Variants in VTI1A observed in about 807,000 individuals in gnomAD.
VTI1A encodes the protein vesicle transport through interaction with t-SNAREs homolog 1A.
In VTI1A, 22 loss-of-function variants were observed where a neutral mutation model predicts 34.9. The ratio of observed to expected loss-of-function variants is 0.63; its 90% confidence interval spans 0.45 to 0.90. VTI1A has a LOEUF of 0.90. VTI1A is among the 40% of genes least tolerant of loss of function. VTI1A has a pLI of 0.00. For missense variants in VTI1A, 268 were observed against 275.6 expected (o/e 0.97, Z 0.20); for synonymous variants, 87 against 97.3 (o/e 0.89, Z 0.62).
At chr10:112,580,221 G>A (rs1323465719) in intron 5 of VTI1A, among the ~76,000 whole-genome samples, 1 of 152,072 alleles carries the variant, frequency 6.6e-6, no homozygotes, top group African/African-American at 2.4e-5. Context: ...ACCTCAGAAA[G>A]GAGAAACACT....
chr10:112,568,831 GT>G (rs1219066919), intron 5 of VTI1A, among the ~76,000 whole-genome samples: 7 of 152,002 alleles, frequency 4.6e-5, no homozygotes, highest in African/African-American at 1.7e-4. Context: ...CTACCCTTGT[GT>G]TCCTCCGCCA....
chr10:112,546,434 T>C (rs1398691615), intron 5 of VTI1A, among the ~76,000 whole-genome samples: 1 of 152,060 alleles, frequency 6.6e-6, no homozygotes, highest in Non-Finnish European at 1.5e-5. Context: ...TTTACAAATG[T>C]ATACTCCCTA....
At chr10:112,737,597 C>T (rs1018423920) in intron 7 of VTI1A, 1 of 1,048,266 alleles carries the variant, frequency 9.5e-7, no homozygotes, top group Non-Finnish European at 1.2e-6. Context: ...AGGTCTTAGT[C>T]CAGCTCTGTG....
chr10:112,527,958 C>T (rs1376451411), intron 4 of VTI1A, among the ~76,000 whole-genome samples: 1 of 151,988 alleles, frequency 6.6e-6, no homozygotes, highest in Non-Finnish European at 1.5e-5. Flanking sequence ...TTAAGAACCT[C>T]ATTGTAGAAA....
chr10:112,561,134 ATACTC>A (rs1301693921), intron 5 of VTI1A, among the ~76,000 whole-genome samples: 8 of 152,228 alleles, frequency 5.3e-5, no homozygotes, highest in Non-Finnish European at 1.0e-4. Context: ...TAAGAAAAGT[ATACTC>A]TACTCAAGTC....
chr10:112,539,434 A>G (rs1157914318), intron 5 of VTI1A, among the ~76,000 whole-genome samples: 2 of 152,214 alleles, frequency 1.3e-5, no homozygotes, highest in South Asian at 2.1e-4. Context: ...TTAATAGTGA[A>G]AAAACTAAAG....
chr10:112,641,824 A>G (rs114855502), intron 5 of VTI1A, among the ~76,000 whole-genome samples: 1,822 of 152,250 alleles, frequency 0.012, 31 homozygotes, highest in African/African-American at 0.042. Flanking sequence ...TGTGTAGACC[A>G]CATCAAGTTT....
intron 7 of VTI1A, among the ~76,000 whole-genome samples, chr10:112,719,664 A>G (rs573175160): frequency 1.3e-5 from 2 of 151,978 alleles, no homozygotes; most frequent in East Asian, 3.9e-4. Context: ...CTCCTGCCTC[A>G]GCTTTCCGAG....
chr10:112,823,517 CCTT>C (rs1853691829), downstream of VTI1A: 4 of 152,160 alleles, frequency 2.6e-5, no homozygotes, highest in Admixed American at 1.3e-4. Context: ...GCTTCTCTCC[CCTT>C]CTTCTCCTCT....
intron 5 of VTI1A, among the ~76,000 whole-genome samples, chr10:112,560,452 C>T (rs1851686183): frequency 6.6e-6 from 1 of 152,132 alleles, no homozygotes; most frequent in Admixed American, 6.5e-5. Flanking sequence ...TACCAAGCCC[C>T]TTCCTCATAA....
At chr10:112,479,514 A>G (rs1471961555) in intron 3 of VTI1A, among the ~76,000 whole-genome samples, 1 of 152,178 alleles carries the variant, frequency 6.6e-6, no homozygotes, top group Non-Finnish European at 1.5e-5. Flanking sequence ...AATAACCAGG[A>G]AAAATCAACC....
At chr10:112,673,418 C>T (rs375133015) in intron 7 of VTI1A, among the ~76,000 whole-genome samples, 1 of 152,080 alleles carries the variant, frequency 6.6e-6, no homozygotes, top group East Asian at 1.9e-4. Flanking sequence ...TCCTCTCTCC[C>T]CGACACTACC....
chr10:112,830,734 T>A, the VTI1A span, among the ~76,000 whole-genome samples: 1 of 147,364 alleles, frequency 6.8e-6, no homozygotes, highest in Non-Finnish European at 1.5e-5. Flanking sequence ...TAATTTTCAT[T>A]AACATGCTGC....
intron 7 of VTI1A, among the ~76,000 whole-genome samples, chr10:112,807,598 A>G (rs946054914): frequency 2.0e-5 from 3 of 152,156 alleles, no homozygotes; most frequent in Admixed American, 2.0e-4. Context: ...CACACCTGTA[A>G]TCCCAGCACT....
intron 5 of VTI1A, among the ~76,000 whole-genome samples, chr10:112,556,906 A>G (rs1851562009): frequency 6.6e-6 from 1 of 152,090 alleles, no homozygotes; most frequent in Admixed American, 6.5e-5. Context: ...CCTTGGAGAT[A>G]AGAAACCTGA....
intron 3 of VTI1A, among the ~76,000 whole-genome samples, chr10:112,520,375 G>T (rs907797560): frequency 1.3e-5 from 2 of 152,018 alleles, no homozygotes; most frequent in Non-Finnish European, 2.9e-5. Context: ...GTGGGGCCAT[G>T]ATACTAACTT....
chr10:112,764,855 C>G (rs1162173888), intron 7 of VTI1A, among the ~76,000 whole-genome samples: 1 of 152,046 alleles, frequency 6.6e-6, no homozygotes, highest in Non-Finnish European at 1.5e-5. Context: ...TAGAGTTAAC[C>G]ATGTTATAAT....
At chr10:112,654,777 G>A (rs917501409) in intron 5 of VTI1A, among the ~76,000 whole-genome samples, 4 of 152,084 alleles carry the variant, frequency 2.6e-5, no homozygotes, top group Non-Finnish European at 4.4e-5. Flanking sequence ...CACCGCGCCC[G>A]GCCCCATTCT....
intron 5 of VTI1A, among the ~76,000 whole-genome samples, chr10:112,571,680 T>C (rs1341424108): frequency 1.3e-5 from 2 of 152,170 alleles, no homozygotes; most frequent in Admixed American, 1.3e-4. Flanking sequence ...AAAGGTAGAA[T>C]GCACCTGTAT....
Sources: gnomAD v4.1 joint callset for allele counts (sites outside exome capture counted in the v4.1 genomes callset) on GRCh38, gnomAD v4.1.1 for gene constraint, MANE v1.5 for transcripts, NCBI Gene and HGNC (gene_info 2026-07-23, HGNC 2026-07-21) for gene names.